Variants in MLLT10 observed in about 807,000 individuals in gnomAD.
MLLT10 encodes the protein MLLT10 histone lysine methyltransferase DOT1L cofactor, also known as protein AF-10.
A neutral mutation model predicts 129.1 loss-of-function variants in MLLT10; 30 were observed. The ratio of observed to expected loss-of-function variants is 0.23; its 90% CI spans 0.17 to 0.32. The LOEUF (loss-of-function observed/expected upper bound fraction) is 0.32. Among genes scored for constraint, MLLT10 ranks in the 10% least tolerant of loss-of-function variants. MLLT10 has a pLI of 1.00. For synonymous variants in MLLT10, 490 were observed against 446.4 expected, an observed-to-expected ratio of 1.10 and a Z score of -1.23; for missense variants, 1,119 against 1,268.3, an observed-to-expected ratio of 0.88 and a Z score of 1.79.
At chr10:21,610,918 T>C (rs2044549854) in intron 5 of MLLT10, among the ~76,000 whole-genome samples, 1 of 151,640 alleles carries the variant, frequency 6.6e-6, no homozygotes, top group Non-Finnish European at 1.5e-5. Flanking sequence ...ATTTTACTTT[T>C]TAGAGGTATA....
chr10:21,703,706 C>T (rs528706246), intron 13 of MLLT10, among the ~76,000 whole-genome samples: 9 of 151,998 alleles, frequency 5.9e-5, no homozygotes, highest in South Asian at 4.2e-4. Context: ...CACTACCACC[C>T]GGCTAATTTT....
intron 8 of MLLT10, among the ~76,000 whole-genome samples, chr10:21,643,102 G>T (rs542871082): frequency 6.6e-6 from 1 of 151,884 alleles, no homozygotes; most frequent in Non-Finnish European, 1.5e-5. Context: ...GTGCAATCTC[G>T]GCTCACTGCA....
At chr10:21,550,466 C>T (rs142308638) in intron 3 of MLLT10, among the ~76,000 whole-genome samples, 2 of 152,154 alleles carry the variant, frequency 1.3e-5, no homozygotes, top group South Asian at 2.1e-4. Context: ...TCAGTCCTAC[C>T]CTCTAAGGTA....
At chr10:21,538,972 G>T in intron 3 of MLLT10, 60 bp downstream of exon 3, 2 of 1,214,574 alleles carry the variant, frequency 1.6e-6, no homozygotes, top group Non-Finnish European at 2.4e-6. Flanking sequence ...ATTAGGAACT[G>T]CACTCCTGTT....
chr10:21,646,205 A>C (rs2048456409), intron 8 of MLLT10, among the ~76,000 whole-genome samples: 1 of 152,142 alleles, frequency 6.6e-6, no homozygotes, highest in Admixed American at 6.6e-5. Flanking sequence ...ACTGTATCCC[A>C]AAAAAGAAAA....
At chr10:21,556,928 A>G (rs1422894830) in intron 3 of MLLT10, 1 of 1,549,926 alleles carries the variant, frequency 6.5e-7, no homozygotes, top group African/African-American at 1.4e-5. Context: ...GCGTTTCAAG[A>G]AGGAGAGGTG....
At chr10:21,606,472 G>A (rs2044082559) in intron 5 of MLLT10, among the ~76,000 whole-genome samples, 1 of 152,212 alleles carries the variant, frequency 6.6e-6, no homozygotes, top group South Asian at 2.1e-4. Flanking sequence ...ACTTTCTGGA[G>A]AGAATTCACC....
Position 21,682,262 on chromosome 10 carries a change from G to A in MLLT10, c.1699+5G>A. 6.2e-7 allele frequency: 1 copy of A among 1,608,628 alleles called. No homozygotes were observed. The highest frequency in any genetic ancestry group is 8.5e-7 in the Non-Finnish European group (1 of 1,178,104). On this transcript the variant is annotated splice_donor_5th_base_variant and intron_variant, in intron 13 of 22. Coordinates refer to ENST00000307729, the MANE Select transcript of MLLT10 (RefSeq NM_001195626.3). The stretch of plus-strand genomic sequence containing the variant: ...TGCTGAATGCAATACACAACGGTAA[G>A]TTTTATTAGAATCTTCTCTAGTGGT...
At chr10:21,667,518 CT>C (rs2050944679) in intron 9 of MLLT10, among the ~76,000 whole-genome samples, 1 of 149,558 alleles carries the variant, frequency 6.7e-6, no homozygotes, top group African/African-American at 2.5e-5. Context: ...CTACAGCTCA[CT>C]GTTTTTTTTT....
chr10:21,581,206 T>G (rs2041413454), intron 3 of MLLT10, among the ~76,000 whole-genome samples: 2 of 151,826 alleles, frequency 1.3e-5, no homozygotes. Context: ...CTATCACACC[T>G]GGCTTATTTT....
intron 13 of MLLT10, among the ~76,000 whole-genome samples, chr10:21,711,818 C>T (rs754951573): frequency 1.7e-4 from 26 of 152,172 alleles, no homozygotes; most frequent in African/African-American, 6.3e-4. Context: ...TTTTTTGGCT[C>T]ACCACTTTTC....
In MLLT10 at chr10:21,661,014, A is replaced by G. The variant is rs746828692; in HGVS notation, c.795+9246A>G. Among the ~76,000 whole-genome samples, 12 of 151,838 alleles carry G rather than the reference A, an allele frequency of 7.9e-5. No homozygotes were observed. In the East Asian group the frequency reaches 1.2e-3, roughly 15 times the overall value. On this transcript the variant is annotated intron_variant, in intron 9 of 22. Transcript: ENST00000307729. ...GTTTTATTTTCATTTAGTTCCATAT[A>G]TTTTAAAATTTCTCTTTATATTTCT...
At chr10:21,621,946 A>G (rs1044925082) in intron 8 of MLLT10, among the ~76,000 whole-genome samples, 1 of 152,166 alleles carries the variant, frequency 6.6e-6, no homozygotes, top group Admixed American at 6.5e-5. Context: ...TTAAAAATGA[A>G]ATAACTTAAT....
chr10:21,718,083 G>A (rs2056878827), intron 14 of MLLT10, among the ~76,000 whole-genome samples: 1 of 152,110 alleles, frequency 6.6e-6, no homozygotes, highest in Non-Finnish European at 1.5e-5. Flanking sequence ...GACTTCAGGT[G>A]ATCTGCCCAC....
rs755476778 is a variant in MLLT10, at chr10:21,727,877, G to A, written c.2012G>A (p.Ser671Asn). The A allele has an allele frequency of 1.4e-5, 23 of 1,613,852 alleles. No homozygotes were observed. Among genetic ancestry groups the A allele is most frequent in the Non-Finnish European group, 1.8e-5 (21 of 1,179,952 alleles). The change falls in exon 16 of 23, where the codon AGC becomes AAC. Residue 671 changes from serine to asparagine, a missense_variant. Ser to Asn is a conservative substitution (Grantham distance 46). Coordinates refer to ENST00000307729, the MANE Select transcript of MLLT10 (RefSeq NM_001195626.3). ...ACAGATCAAGATCTTGGAGACAATA[G>A]CCGCAACCTAGTTGGCAGAGGAAGC... is the stretch of plus-strand genomic sequence containing the variant. Reference protein sequence around the residue: ...NQTDQDLGDNSRNLVGRGSSP... With the variant: ...NQTDQDLGDNNRNLVGRGSSP...
At chr10:21,652,429 G>T (rs534724307) in intron 9 of MLLT10, among the ~76,000 whole-genome samples, 13 of 152,168 alleles carry the variant, frequency 8.5e-5, no homozygotes, top group Admixed American at 4.6e-4. Context: ...TATATCATTT[G>T]TAAAGTGGGG....
rs764127672 is a variant in MLLT10 at position 21,735,126 on chromosome 10, A to G, written c.2859-13A>G. On this transcript the variant is annotated splice_polypyrimidine_tract_variant and intron_variant, in intron 20 of 22. Transcript: ENST00000307729. ...GTGTGTAGTAAAAAGTAAGAATTGT[A>G]ATCATTTTTCAGTGCCTCAGGACTA... 4.2e-5 allele frequency: 67 copies of G among 1,600,190 alleles called. 1 individual carries two copies. The South Asian group carries it at 7.2e-4, about 17-fold the overall frequency.
At chr10:21,667,995 A>G (rs1357821653) in intron 9 of MLLT10, among the ~76,000 whole-genome samples, 1 of 152,156 alleles carries the variant, frequency 6.6e-6, no homozygotes, top group Admixed American at 6.5e-5. Context: ...ATCACAATGT[A>G]GAACAAAGTA....
chr10:21,679,819 A>G (rs2052556172), intron 11 of MLLT10, among the ~76,000 whole-genome samples: 1 of 152,202 alleles, frequency 6.6e-6, no homozygotes, highest in African/African-American at 2.4e-5. Flanking sequence ...CTGAAATCCA[A>G]AATGCACCAA....
Sources: allele counts gnomAD v4.1 joint callset (sites outside exome capture counted in the v4.1 genomes callset), GRCh38; gene constraint gnomAD v4.1.1; transcripts MANE v1.5; gene names NCBI Gene and HGNC (gene_info 2026-07-23, HGNC 2026-07-21).